Variants in PER3 observed in about 807,000 individuals in gnomAD.
PER3 encodes the protein period circadian regulator 3, also known as period circadian protein homolog 3.
In PER3, 107 loss-of-function variants were observed where a neutral mutation model predicts 127.2. That is an observed-to-expected ratio of 0.84 (90% CI 0.72 to 0.99). The LOEUF is 0.99. PER3 is among the 50% of genes least tolerant of loss of function. The pLI is 0.00. For missense variants in PER3, 1,560 were observed against 1,525.8 expected (o/e 1.02, Z -0.37); for synonymous variants, 618 against 585.8 (o/e 1.05, Z -0.79).
chr1:7,827,455 G>T lies in PER3; in HGVS notation c.2526G>T (p.Gln842His), dbSNP rs1480760882. Residue 842 changes from glutamine to histidine, a missense_variant, in exon 18 of 22, where the codon CAG (glutamine) becomes CAT (histidine). Coordinates refer to ENST00000377532, the MANE Select transcript of PER3 (RefSeq NM_001377275.1). ...LHGLPLSEGL[Q>H]PYPAFPFPYL... ...GGCTGCCCTTGTCCGAGGGCTTGCAGCCTTACCCAGCTTTCCCTTTTCCTT... is the reference window on the plus strand; with the variant it reads ...GGCTGCCCTTGTCCGAGGGCTTGCATCCTTACCCAGCTTTCCCTTTTCCTT... 4 of 1,614,176 alleles carry T rather than the reference G, an allele frequency of 2.5e-6. No homozygotes were observed. The highest frequency in any genetic ancestry group is 2.2e-5 in the East Asian group (1 of 44,878).
chr1:7,806,848 A>T (rs900053350), intron 10 of PER3, among the ~76,000 whole-genome samples: 1 of 143,306 alleles, frequency 7.0e-6, no homozygotes, highest in African/African-American at 2.5e-5. Context: ...ACATACACAC[A>T]CACACATACA....
chr1:7,795,883 G>A (rs1319052815), intron 6 of PER3, among the ~76,000 whole-genome samples: 2 of 152,244 alleles, frequency 1.3e-5, no homozygotes, highest in Non-Finnish European at 2.9e-5. Context: ...ATCTCTGCCA[G>A]CAGCAGTTCT....
chr1:7,806,811 AAATATATATATAT>A (rs2097195705), intron 10 of PER3, among the ~76,000 whole-genome samples: 1 of 79,402 alleles, frequency 1.3e-5, no homozygotes, highest in African/African-American at 4.9e-5. Flanking sequence ...AAAAAAAAAA[AAATATATATATAT>A]ATATATATAT....
intron 16 of PER3, among the ~76,000 whole-genome samples, chr1:7,824,970 A>G (rs1161800182): frequency 1.4e-5 from 2 of 147,694 alleles, no homozygotes; most frequent in Non-Finnish European, 1.5e-5. Flanking sequence ...CCTCGGGCTC[A>G]CCTCCCTTGT....
At chr1:7,796,693 G>C (rs942275245) in intron 6 of PER3, among the ~76,000 whole-genome samples, 1 of 152,140 alleles carries the variant, frequency 6.6e-6, no homozygotes, top group African/African-American at 2.4e-5. Flanking sequence ...AGGGAGGCAG[G>C]GAGGGCAGTT....
At chr1:7,825,656 C>G (rs951886022) in intron 16 of PER3, among the ~76,000 whole-genome samples, 9 of 152,284 alleles carry the variant, frequency 5.9e-5, no homozygotes, top group African/African-American at 2.2e-4. Context: ...CTTTGGGAGT[C>G]CAAGGCAGAT....
At chr1:7,808,703 C>T (rs1022883327) in intron 10 of PER3, among the ~76,000 whole-genome samples, 190 bp from the exon 11 acceptor site, 2 of 152,154 alleles carry the variant, frequency 1.3e-5, no homozygotes, top group Non-Finnish European at 2.9e-5. Flanking sequence ...CTTAAGGGGC[C>T]TGTTAATGTC....
intron 10 of PER3, 117 bp downstream of exon 10, chr1:7,803,965 T>TGC: frequency 1.2e-6 from 1 of 803,462 alleles, no homozygotes; most frequent in Non-Finnish European, 2.0e-6. Flanking sequence ...CACAGATTTG[T>TGC]TTTCGGTGCT....
rs35072750 is a variant in PER3 at position 7,837,129 on chromosome 1, A to G, written c.3529A>G (p.Thr1177Ala). ...TAATTGGATTCAAAGCCAGACTGTC[A>G]CTCAAGAAATCGACATTCAAGTAAG... The part of the protein sequence containing the change: ...VYNWIQSQTV[T>A]QEIDIQACVT... Residue 1177 changes from threonine (T) to alanine (A), a missense_variant, in exon 21 of 22, where the codon ACT becomes GCT. Transcript: ENST00000377532. 7.7e-4 allele frequency: 1,244 copies of G among 1,613,410 alleles called. 2 individuals carry two copies. The highest frequency in any genetic ancestry group is 4.0e-3 in the Middle Eastern group (24 of 6,060).
chr1:7,839,495 CTA>C (rs1207660359), intron 21 of PER3, among the ~76,000 whole-genome samples: 10 of 152,332 alleles, frequency 6.6e-5, no homozygotes, highest in African/African-American at 2.4e-4. Flanking sequence ...GCTGAGATCT[CTA>C]TTTCTTCACA....
Position 7,810,583 on chromosome 1 carries a change from G to A in PER3, c.1517G>A (p.Gly506Asp), listed in dbSNP as rs775107435. The change falls in exon 13 of 22, where the codon GGT becomes GAT. Residue 506 changes from glycine to aspartate, a missense_variant. Around this residue, in one of 3 missense-constraint regions of PER3, gnomAD observed 1,332 missense variants for 1,223.6 expected, o/e 1.09. Transcript: ENST00000377532. The part of the protein sequence containing the change: ...EPNGGGESAN[G>D]GGECKTFTSF... ...AATGGTGGTGGTGAGTCAGCGAATG[G>A]TGGTGGTGAGTCAGCCGGCAGCCCC... 6.2e-7 allele frequency: 1 copy of A among 1,608,000 alleles called. No homozygotes were observed. Among genetic ancestry groups the A allele is most frequent in the South Asian group, 1.1e-5 (1 of 89,900 alleles).
intron 13 of PER3, among the ~76,000 whole-genome samples, chr1:7,817,652 C>T (rs1345658975): frequency 2.0e-5 from 3 of 152,150 alleles, no homozygotes; most frequent in African/African-American, 4.8e-5. Context: ...GCTGGATTGG[C>T]GCGAACAGTT....
In PER3 at chr1:7,844,795, G is replaced by C. The variant is rs2097403986; in HGVS notation, c.*2040G>C. On this transcript the variant is annotated 3_prime_UTR_variant, in exon 22 of 22. Coordinates refer to ENST00000377532, the MANE Select transcript of PER3 (RefSeq NM_001377275.1). ...CGGTGAGCAGGGGGTTCAGCAGCTTGACCGATGCCCCCCGAGGGGGCTCTC... is the reference window on the plus strand; with the variant it reads ...CGGTGAGCAGGGGGTTCAGCAGCTTCACCGATGCCCCCCGAGGGGGCTCTC... The C allele has an allele frequency of 6.5e-6, 1 of 152,698 alleles. No homozygotes were observed. Among genetic ancestry groups the C allele is most frequent in the South Asian group, 2.1e-4 (1 of 4,832 alleles). 9.5% of individuals were successfully genotyped at this position (152,698 alleles called of 1,614,324 possible).
chr1:7,810,231 A>G (rs2097213432), intron 12 of PER3: 3 of 632,774 alleles, frequency 4.7e-6, no homozygotes, highest in Non-Finnish European at 8.2e-6. Context: ...TATGCGTTCT[A>G]AAAATTAGCA....
chr1:7,812,629 A>AAAAAAAAAAAAAC, intron 13 of PER3, among the ~76,000 whole-genome samples: 1 of 103,480 alleles, frequency 9.7e-6, no homozygotes, highest in African/African-American at 2.8e-5. Flanking sequence ...CGTCTCAAAA[A>AAAAAAAAAAAAAC]AAAAAAAAAA....
intron 5 of PER3, among the ~76,000 whole-genome samples, chr1:7,790,196 T>C (rs2097112781): frequency 6.6e-6 from 1 of 152,218 alleles, no homozygotes; most frequent in African/African-American, 2.4e-5. Context: ...CTTACGCTGC[T>C]ATAAAGAACT....
intron 6 of PER3, among the ~76,000 whole-genome samples, chr1:7,795,448 G>A (rs1577671769): frequency 6.6e-6 from 1 of 152,356 alleles, no homozygotes; most frequent in East Asian, 1.9e-4. Context: ...TATTCAGGGT[G>A]ATCCAGGAAC....
At chr1:7,842,122 A>T (rs1236138853) in intron 21 of PER3, among the ~76,000 whole-genome samples, 2 of 152,170 alleles carry the variant, frequency 1.3e-5, no homozygotes, top group Non-Finnish European at 1.5e-5. Context: ...ATCTTACAAG[A>T]CCACCATTAT....
chr1:7,815,841 A>T (rs962643112), intron 13 of PER3, among the ~76,000 whole-genome samples: 3 of 151,534 alleles, frequency 2.0e-5, no homozygotes, highest in African/African-American at 7.3e-5. Flanking sequence ...AAAAAAAAAA[A>T]AATTAGCCAG....
Sources: gnomAD v4.1 joint callset for allele counts (sites outside exome capture counted in the v4.1 genomes callset) on GRCh38, gnomAD v4.1.1 for gene constraint, gnomAD v4.1.1 regional missense constraint, MANE v1.5 for transcripts, NCBI Gene and HGNC (gene_info 2026-07-23, HGNC 2026-07-21) for gene names.